Variants in TTLL8 observed in about 807,000 individuals in gnomAD.
The protein encoded by TTLL8 is protein monoglycylase TTLL8.
A neutral mutation model predicts 77.8 loss-of-function variants in TTLL8; 65 were observed. That is an observed-to-expected ratio of 0.84 (90% confidence interval 0.68 to 1.03). The LOEUF (loss-of-function observed/expected upper bound fraction) is 1.03. Among genes scored for constraint, TTLL8 ranks in the 50% least tolerant of loss-of-function variants. The pLI, the probability that TTLL8 is intolerant of heterozygous loss-of-function variation, is 0.00. For missense variants in TTLL8, 910 were observed against 1,004.5 expected (o/e 0.91, Z 1.27); for synonymous variants, 402 against 422.8 (o/e 0.95, Z 0.60).
chr22:50,031,011 G>C (rs1035740293), intron 11 of TTLL8, 86 bp from the exon 13 acceptor site: 1 of 1,171,834 alleles, frequency 8.5e-7, no homozygotes, highest in South Asian at 1.4e-5. Context: ...GGAGGGGCTG[G>C]TCGGGGCACA....
chr22:50,030,167 C>T (rs1028459435), intron 12 of TTLL8: 3 of 985,156 alleles, frequency 3.0e-6, no homozygotes, highest in African/African-American at 1.7e-5. Flanking sequence ...GCGTCACCCG[C>T]CAGGTTCTAC....
chr22:50,048,626 C>G (rs982273086), intron 3 of TTLL8, among the ~76,000 whole-genome samples: 14 of 152,202 alleles, frequency 9.2e-5, no homozygotes, highest in African/African-American at 3.4e-4. Context: ...ACTCCAGGAA[C>G]CTGGAAGGGC....
At chr22:50,054,522 C>T (rs1292469988) in intron 1 of TTLL8, 2 of 183,488 alleles carry the variant, frequency 1.1e-5, no homozygotes, top group South Asian at 1.5e-4. Context: ...TCTGCACACA[C>T]AGGTGGAGGC....
intron 12 of TTLL8, among the ~76,000 whole-genome samples, chr22:50,023,535 A>G (rs904826183): frequency 1.3e-5 from 2 of 151,364 alleles, no homozygotes; most frequent in Non-Finnish European, 2.9e-5. Context: ...ATACAAAAAA[A>G]TTAGCTGGGC....
intron 2 of TTLL8, 195 bp downstream of exon 4, chr22:50,049,914 G>T: frequency 2.7e-6 from 1 of 367,144 alleles, no homozygotes; most frequent in Non-Finnish European, 3.8e-6. Context: ...CAGGGCTGGG[G>T]GCTTGAAAGG....
intron 3 of TTLL8, among the ~76,000 whole-genome samples, chr22:50,047,515 TG>T (rs1335931401): frequency 6.6e-6 from 1 of 152,170 alleles, no homozygotes; most frequent in Admixed American, 6.5e-5. Flanking sequence ...CCTCGGGCTC[TG>T]GGGGGCCACC....
rs755015697 is a variant in TTLL8 at position 50,041,265 on chromosome 22, C to T, written c.843G>A (p.Gly281=). ...TGAAGATGCACAAGACAATGCTACTCCCCAAAGGCACCCTGAGGGGGTATC... is the reference window on the plus strand; with the variant it reads ...TGAAGATGCACAAGACAATGCTACTTCCCAAAGGCACCCTGAGGGGGTATC... Residue 281 remains glycine (G), a synonymous_variant, in exon 8 of 14, where the codon GGG becomes GGA. Coordinates refer to ENST00000266182, the Ensembl canonical transcript of TTLL8. The surrounding 1 kb of genome is among the most constrained non-coding windows in gnomAD (Gnocchi z 4.3). The T allele has an allele frequency of 4.0e-6, 2 of 506,110 alleles. No homozygotes were observed. The highest frequency in any genetic ancestry group is 3.0e-5 in the South Asian group (2 of 66,122). 31.4% of individuals were successfully genotyped at this position (506,110 alleles called of 1,614,324 possible).
chr22:50,025,253 A>T (rs919997351), intron 12 of TTLL8, among the ~76,000 whole-genome samples: 7 of 147,210 alleles, frequency 4.8e-5, no homozygotes, highest in Non-Finnish European at 7.4e-5. Flanking sequence ...CACAGAAATA[A>T]AAAAAAAAAC....
chr22:50,025,461 G>A (rs2061225734), intron 12 of TTLL8, among the ~76,000 whole-genome samples: 1 of 152,060 alleles, frequency 6.6e-6, no homozygotes, highest in Non-Finnish European at 1.5e-5. Context: ...CCAACATGGT[G>A]AAACCCCGTC....
At position 50,041,870 on chromosome 22, in the gene TTLL8, G is replaced by A. The variant is rs1052867079; in HGVS notation, c.644-63C>T. 37 of 1,278,372 alleles carry A rather than the reference G, an allele frequency of 2.9e-5. No homozygotes were observed. Among genetic ancestry groups the A allele is most frequent in the Non-Finnish European group, 3.7e-5 (36 of 978,392 alleles). The allele number at this position is 1,278,372 out of a possible 1,614,324, so 79.2% of individuals were successfully genotyped here. A position where few individuals can be genotyped will look rare whatever the true frequency, so the allele number is the denominator to read the frequency against. ...ACCCAGGGGCAGCCCTGCCCGCCTCGAGGGGTGATGTCTAAAGTCATGGAC... is the reference window on the plus strand; with the variant it reads ...ACCCAGGGGCAGCCCTGCCCGCCTCAAGGGGTGATGTCTAAAGTCATGGAC... On this transcript the variant is annotated intron_variant, in intron 6 of 13. Transcript: ENST00000266182. This position sits in a 1 kb window ranked among gnomAD's most constrained non-coding sequence, Gnocchi z 4.3.
exon 12 of TTLL8, chr22:50,030,634 T>G: frequency 7.8e-7 from 1 of 1,288,256 alleles, no homozygotes; most frequent in Non-Finnish European, 1.0e-6. Flanking sequence ...TTGGTGCGGG[T>G]GGGCTGTGCG....
In TTLL8 at chr22:50,030,934, A is replaced by G. The variant is rs745888422; in HGVS notation, c.1708-9T>C. ...GGCGGCTCAACCACCGGCTGTGGGG[A>G]AGGAACAGGTTGGGGTGCTGGGCTG... On this transcript the variant is annotated splice_polypyrimidine_tract_variant and intron_variant, in intron 11 of 13. Coordinates refer to ENST00000266182, the Ensembl canonical transcript of TTLL8. 1.5e-6 allele frequency: 2 copies of G among 1,315,912 alleles called. No individual in the cohort carries two copies. The highest frequency in any genetic ancestry group is 2.4e-5 in the South Asian group (2 of 82,944). The allele number at this position is 1,315,912 out of a possible 1,614,324, so 81.5% of individuals were successfully genotyped here. A position where few individuals can be genotyped will look rare whatever the true frequency, so the allele number is the denominator to read the frequency against.
At chr22:50,021,234 T>A (rs377496275) in intron 12 of TTLL8, among the ~76,000 whole-genome samples, 146 of 122,648 alleles carry the variant, frequency 1.2e-3, no homozygotes, top group African/African-American at 4.5e-3. Flanking sequence ...CACTCCTCCA[T>A]CTGACGACAT....
In TTLL8 at chr22:50,034,479, C is replaced by CT. The variant is rs1569226029; in HGVS notation, c.922-18dup. On this transcript the variant is annotated splice_polypyrimidine_tract_variant and intron_variant, in intron 8 of 13. Coordinates refer to ENST00000266182, the Ensembl canonical transcript of TTLL8. The surrounding 1 kb of genome is among the most constrained non-coding windows in gnomAD (Gnocchi z 4.1). ...AGCCTGGCACTGCGAAAAGTAATTT[C>CT]TTGAATTGGAGATGAAAGCATCGCC... 7.3e-7 allele frequency: 1 copy of CT among 1,364,638 alleles called. No individual in the cohort carries two copies. The highest frequency in any genetic ancestry group is 1.5e-5 in the African/African-American group (1 of 67,740). The allele number at this position is 1,364,638 out of a possible 1,614,324, so 84.5% of individuals were successfully genotyped here.
intron 12 of TTLL8, among the ~76,000 whole-genome samples, chr22:50,021,799 C>A (rs1224148270): frequency 6.9e-6 from 1 of 144,108 alleles, no homozygotes; most frequent in East Asian, 2.1e-4. Flanking sequence ...GACGTGCACT[C>A]CTCCATCTGA....
intron 8 of TTLL8, among the ~76,000 whole-genome samples, chr22:50,038,477 C>T (rs1191162458): frequency 6.6e-6 from 1 of 152,098 alleles, no homozygotes; most frequent in Non-Finnish European, 1.5e-5. Flanking sequence ...AATATATAAC[C>T]ACTACGAAAT....
chr22:50,050,375 C>CT (rs137913), intron 1 of TTLL8, 128 bp from the exon 4 acceptor site: 1,082 of 356,930 alleles, frequency 3.0e-3, no homozygotes, highest in Admixed American at 5.2e-3. Context: ...CCAATATGTC[C>CT]TTTTTTTTTT....
chr22:50,053,295 C>T (rs1421354373), intron 1 of TTLL8, among the ~76,000 whole-genome samples: 1 of 150,542 alleles, frequency 6.6e-6, no homozygotes, highest in Non-Finnish European at 1.5e-5. Context: ...TAAAGCAAGT[C>T]TAAACAAATT....
chr22:50,027,482 C>T (rs557901257), intron 12 of TTLL8: 6 of 353,416 alleles, frequency 1.7e-5, no homozygotes, highest in African/African-American at 1.4e-4. Flanking sequence ...TGCAGTGAGC[C>T]AAGATCGAGC....
Sources: allele counts gnomAD v4.1 joint callset (sites outside exome capture counted in the v4.1 genomes callset), GRCh38; gene constraint gnomAD v4.1.1; non-coding constraint Gnocchi (gnomAD v3.1); transcripts MANE v1.5; gene names NCBI Gene and HGNC (gene_info 2026-07-23, HGNC 2026-07-21).